Variants in ZFP1 observed in about 807,000 individuals in gnomAD.
ZFP1 encodes ZFP1 zinc finger protein.
ZFP1 carries 32 observed loss-of-function variants against 38.5 expected under a neutral mutation model. The ratio of observed to expected loss-of-function variants is 0.83; its 90% CI spans 0.63 to 1.12. ZFP1 has a LOEUF of 1.12. Among genes scored for constraint, ZFP1 ranks in the 50% most tolerant of loss-of-function variants. The probability of loss-of-function intolerance (pLI) is 0.00; values close to 1 mark genes in which losing one functional copy is unlikely to be tolerated. For synonymous variants in ZFP1, 245 were observed against 168.8 expected (o/e 1.45, Z -3.50); for missense variants, 616 against 480.8 (o/e 1.28, Z -2.63).
the ZFP1 span, among the ~76,000 whole-genome samples, chr16:75,125,237 C>A: frequency 4.0e-5 from 6 of 151,320 alleles, no homozygotes; most frequent in African/African-American, 9.8e-5. Flanking sequence ...CCAGCTGGGA[C>A]AACAGAGCAA....
At position 75,170,506 on chromosome 16, in the gene ZFP1, T is replaced by TGATA; in HGVS notation, c.*173_*176dup. ...AGAACATTATACTGGAAGTTACATGTGATACCCAGCTAAAGAATACATATC... is the reference window on the plus strand; with the variant it reads ...AGAACATTATACTGGAAGTTACATGTGATAGATACCCAGCTAAAGAATACATATC... On this transcript the variant is annotated 3_prime_UTR_variant, in exon 4 of 4. Transcript: ENST00000570010. 4 of 963,944 alleles carry TGATA rather than the reference T, an allele frequency of 4.1e-6. No homozygotes were observed. Among genetic ancestry groups the TGATA allele is most frequent in the Non-Finnish European group, 5.7e-6 (4 of 705,910 alleles). The allele number at this position is 963,944 out of a possible 1,614,324, so 59.7% of individuals were successfully genotyped here. A position where few individuals can be genotyped will look rare whatever the true frequency, so the allele number is the denominator to read the frequency against.
chr16:75,141,067 C>T, the ZFP1 span, among the ~76,000 whole-genome samples: 49,577 of 151,922 alleles, frequency 0.33, 8,272 homozygotes, highest in Non-Finnish European at 0.35. Context: ...TAATATTTGG[C>T]CAAAAATTGT....
the ZFP1 span, among the ~76,000 whole-genome samples, chr16:75,141,195 CTTTTTT>C: frequency 2.4e-4 from 16 of 67,902 alleles, no homozygotes; most frequent in African/African-American, 8.3e-4. Context: ...TTGGGTCATT[CTTTTTT>C]TTTTTTTTTT....
Position 75,169,753 on chromosome 16 carries a change from AATGT to A in ZFP1, c.649_652del (p.Cys217ArgfsTer126). 6.2e-7 allele frequency: 1 copy of A among 1,613,378 alleles called. No homozygotes were observed. The highest frequency in any genetic ancestry group is 1.7e-5 in the Admixed American group (1 of 59,810). ...TACTGGAGAAAAGCCATATGAATGCAATGTATGTAAGAAAACCTTCTCCCATAAG... is the reference window on the plus strand; with the variant it reads ...TACTGGAGAAAAGCCATATGAATGCAATGTAAGAAAACCTTCTCCCATAAG... On this transcript the variant is annotated frameshift_variant, in exon 4 of 4. Transcript: ENST00000570010. LOFTEE classifies it high-confidence loss of function.
At chr16:75,124,514 T>C in the ZFP1 span, among the ~76,000 whole-genome samples, 1 of 143,086 alleles carries the variant, frequency 7.0e-6, no homozygotes, top group Non-Finnish European at 1.5e-5. Flanking sequence ...CCGGGCATGG[T>C]GGCTCACGCC....
chr16:75,170,385 G>A lies in ZFP1; in HGVS notation c.*51G>A, dbSNP rs372345177. 6.6e-6 allele frequency: 10 copies of A among 1,505,796 alleles called. No homozygotes were observed. Among genetic ancestry groups the A allele is most frequent in the African/African-American group, 4.2e-5 (3 of 71,600 alleles). The allele number at this position is 1,505,796 out of a possible 1,614,324, so 93.3% of individuals were successfully genotyped here. ...AAACTCCTGCCAGAACTCTTCAAGC[G>A]GGTGAAAAACCTCATGACAGTATTG... On this transcript the variant is annotated 3_prime_UTR_variant, in exon 4 of 4. Transcript: ENST00000570010.
At chr16:75,128,146 C>T in the ZFP1 span, among the ~76,000 whole-genome samples, 1 of 152,196 alleles carries the variant, frequency 6.6e-6, no homozygotes. Context: ...TGGCCTCATA[C>T]CTTTGTCTAC....
At chr16:75,127,287 T>C in the ZFP1 span, among the ~76,000 whole-genome samples, 1 of 152,136 alleles carries the variant, frequency 6.6e-6, no homozygotes. Flanking sequence ...TCTCCCTCTG[T>C]TGCTCAGGCT....
Position 75,170,437 on chromosome 16 carries a change from T to C in ZFP1, c.*103T>C. On this transcript the variant is annotated 3_prime_UTR_variant, in exon 4 of 4. Coordinates refer to ENST00000570010, the MANE Select transcript of ZFP1 (RefSeq NM_153688.4). The stretch of plus-strand genomic sequence containing the variant: ...GGGAACATGGGAATTCATACTGAGA[T>C]GCAATCTCTCAACTCAAAAATGTAT... 1 of 1,412,208 alleles carries C rather than the reference T, an allele frequency of 7.1e-7. No individual in the cohort carries two copies. Among genetic ancestry groups the C allele is most frequent in the Admixed American group, 2.7e-5 (1 of 36,908 alleles). The allele number at this position is 1,412,208 out of a possible 1,614,324, so 87.5% of individuals were successfully genotyped here.
the ZFP1 span, among the ~76,000 whole-genome samples, chr16:75,133,218 C>G: frequency 3.9e-5 from 6 of 152,320 alleles, no homozygotes; most frequent in South Asian, 1.2e-3. Context: ...CTCCGGTGAT[C>G]TGCCCGCTTT....
the ZFP1 span, among the ~76,000 whole-genome samples, chr16:75,143,320 C>T: frequency 3.3e-5 from 5 of 151,982 alleles, no homozygotes; most frequent in Non-Finnish European, 5.9e-5. Context: ...GGGCTCACTG[C>T]CACCTCCGCC....
At position 75,169,513 on chromosome 16, in the gene ZFP1, A is replaced by T. The variant is rs746894322; in HGVS notation, c.403A>T (p.Asn135Tyr). 27 of 1,613,146 alleles carry T rather than the reference A, an allele frequency of 1.7e-5. No homozygotes were observed. The Admixed American group carries it at 4.5e-4, about 27-fold the overall frequency. The change falls in exon 4 of 4, where the codon AAT becomes TAT. Residue 135 changes from asparagine (N) to tyrosine (Y), a missense_variant. Coordinates refer to ENST00000570010, the MANE Select transcript of ZFP1 (RefSeq NM_153688.4). Reference sequence around the variant, plus strand: ...TGCAGGAAAGCAGACTGATGAGTGTAATGAATTTGGAAAAGCACTTCTCTA... The same window carrying T: ...TGCAGGAAAGCAGACTGATGAGTGTTATGAATTTGGAAAAGCACTTCTCTA... ...SYAGKQTDEC[N>Y]EFGKALLYLK...
At chr16:75,142,022 C>A in the ZFP1 span, among the ~76,000 whole-genome samples, 1 of 148,520 alleles carries the variant, frequency 6.7e-6, no homozygotes, top group Non-Finnish European at 1.5e-5. Flanking sequence ...CCACTGCACT[C>A]CAGCCTGAAC....
At chr16:75,133,913 C>G in the ZFP1 span, among the ~76,000 whole-genome samples, 2 of 150,800 alleles carry the variant, frequency 1.3e-5, no homozygotes, top group Admixed American at 1.3e-4. Context: ...GCCAGGCGTG[C>G]TGGTGCATGC....
At chr16:75,158,375 ATC>A (rs1202172213) in intron 2 of ZFP1, among the ~76,000 whole-genome samples, 1 of 148,152 alleles carries the variant, frequency 6.7e-6, no homozygotes, top group Non-Finnish European at 1.5e-5. Context: ...TTGAGACAGG[ATC>A]TCTCTTTCTC....
At chr16:75,140,232 C>T in the ZFP1 span, among the ~76,000 whole-genome samples, 1 of 151,348 alleles carries the variant, frequency 6.6e-6, no homozygotes, top group Admixed American at 6.6e-5. Context: ...CACGCCATTG[C>T]ACTCCAGCCT....
In ZFP1 at chr16:75,170,960, T is replaced by G. The variant is rs1240390987; in HGVS notation, c.*626T>G. On this transcript the variant is annotated 3_prime_UTR_variant, in exon 4 of 4. Transcript: ENST00000570010. Reference sequence around the variant, plus strand: ...CCTCTTAGGAAACAGAAGACAGTGTTGAAGTTTTCCCTGCTTCTGGTTTGC... The same window carrying G: ...CCTCTTAGGAAACAGAAGACAGTGTGGAAGTTTTCCCTGCTTCTGGTTTGC... The G allele has an allele frequency of 1.9e-4, 3 of 15,596 alleles. No homozygotes were observed. Among genetic ancestry groups the G allele is most frequent in the African/African-American group, 3.2e-4 (3 of 9,278 alleles). The allele number at this position is 15,596 out of a possible 1,614,324, so 1.0% of individuals were successfully genotyped here.
At chr16:75,136,013 G>A in the ZFP1 span, among the ~76,000 whole-genome samples, 76 of 152,196 alleles carry the variant, frequency 5.0e-4, no homozygotes, top group Non-Finnish European at 4.1e-4. Flanking sequence ...ATGGGTTTTC[G>A]TCATGTTGGC....
At chr16:75,141,195 CTTTTTTTTTTT>C in the ZFP1 span, among the ~76,000 whole-genome samples, 3 of 67,900 alleles carry the variant, frequency 4.4e-5, no homozygotes, top group Admixed American at 4.4e-4. Context: ...TTGGGTCATT[CTTTTTTTTTTT>C]TTTTTTTTTT....
Sources: gnomAD v4.1 joint callset for allele counts (sites outside exome capture counted in the v4.1 genomes callset) on GRCh38, gnomAD v4.1.1 for gene constraint, MANE v1.5 for transcripts, NCBI Gene and HGNC (gene_info 2026-07-23, HGNC 2026-07-21) for gene names.